The following TMEM266 variants were observed in gnomAD, a reference collection of about 807,000 sequenced individuals.
TMEM266 encodes the protein Hv1 related protein 1.
A neutral mutation model predicts 50.5 loss-of-function variants in TMEM266; 33 were observed. The observed-to-expected ratio is 0.65, with a 90% CI of 0.50 to 0.87. TMEM266 has a LOEUF of 0.87. Among genes scored for constraint, TMEM266 ranks in the 40% least tolerant of loss-of-function variants. TMEM266 has a pLI of 0.00. For missense variants in TMEM266, 655 were observed against 695.1 expected, an observed-to-expected ratio of 0.94 and a Z score of 0.65; for synonymous variants, 310 against 292.3, an observed-to-expected ratio of 1.06 and a Z score of -0.62.
intron 5 of TMEM266, among the ~76,000 whole-genome samples, chr15:76,163,436 A>G (rs941763148): frequency 2.6e-5 from 4 of 152,086 alleles, no homozygotes; most frequent in Non-Finnish European, 4.4e-5. Flanking sequence ...ACAGGGTCCA[A>G]GGTGAGACTG....
intron 8 of TMEM266, among the ~76,000 whole-genome samples, chr15:76,179,629 C>T (rs1177620720): frequency 1.3e-5 from 2 of 152,200 alleles, no homozygotes; most frequent in African/African-American, 4.8e-5. Flanking sequence ...GTCTCAATGG[C>T]AGCCCCCAAC....
intron 7 of TMEM266, chr15:76,175,251 T>G: frequency 3.7e-6 from 1 of 270,162 alleles, no homozygotes; most frequent in South Asian, 4.3e-5. Context: ...AAGGTGGTCT[T>G]GTGGCCACCC....
chr15:76,150,409 A>T (rs2037820850), intron 3 of TMEM266, among the ~76,000 whole-genome samples: 1 of 152,180 alleles, frequency 6.6e-6, no homozygotes, highest in Admixed American at 6.5e-5. Context: ...AAAATCTCAA[A>T]GTAGGGCCGA....
rs141391527 is a variant in TMEM266, at chr15:76,124,411, C to T, written c.-96-9757C>T. 1.6e-4 allele frequency among the ~76,000 whole-genome samples: 25 copies of T among 152,154 alleles called. No homozygotes were observed. The East Asian group carries it at 2.5e-3, about 15-fold the overall frequency. On this transcript the variant is annotated intron_variant, in intron 1 of 10. Coordinates refer to ENST00000388942, the MANE Select transcript of TMEM266 (RefSeq NM_152335.3). ...TTGTAGAATGCACAAATAAGTAGAA[C>T]GATATCCTATGTTCATAGATTGGAA...
At chr15:76,070,515 A>G (rs951156784) in intron 1 of TMEM266, among the ~76,000 whole-genome samples, 3 of 152,206 alleles carry the variant, frequency 2.0e-5, no homozygotes, top group Non-Finnish European at 1.5e-5. Flanking sequence ...GAACATGGGC[A>G]CTTCTGCAGA....
chr15:76,114,093 T>C (rs543581342), intron 1 of TMEM266: 2 of 152,220 alleles, frequency 1.3e-5, no homozygotes, highest in Non-Finnish European at 2.9e-5. Context: ...TTTTACCTTA[T>C]CTACATTTTT....
chr15:76,068,987 C>T (rs906873484), intron 1 of TMEM266, among the ~76,000 whole-genome samples: 7 of 152,266 alleles, frequency 4.6e-5, no homozygotes, highest in Admixed American at 1.3e-4. Context: ...CACTTTCTCC[C>T]GTCATATGGT....
intron 9 of TMEM266, among the ~76,000 whole-genome samples, chr15:76,200,751 A>G (rs1330222611): frequency 6.6e-6 from 1 of 152,192 alleles, no homozygotes; most frequent in Non-Finnish European, 1.5e-5. Flanking sequence ...TTGGCAGTAC[A>G]CACAGCGTAT....
chr15:76,140,135 G>C (rs1461967983), intron 3 of TMEM266, among the ~76,000 whole-genome samples: 1 of 152,228 alleles, frequency 6.6e-6, no homozygotes, highest in Non-Finnish European at 1.5e-5. Context: ...GAATCTCCAG[G>C]TGTGCCCAGG....
In TMEM266 at chr15:76,063,543, C is replaced by T. The variant is rs1171495672; in HGVS notation, c.-97+3527C>T. On this transcript the variant is annotated intron_variant, in intron 1 of 10. Coordinates refer to ENST00000388942, the MANE Select transcript of TMEM266 (RefSeq NM_152335.3). Reference sequence around the variant, plus strand: ...TCCCTCGCCTCATTTCAGCTTTGCTCATAGTCCAACCACTCCTTTAAAACT... The same window carrying T: ...TCCCTCGCCTCATTTCAGCTTTGCTTATAGTCCAACCACTCCTTTAAAACT... Among the ~76,000 whole-genome samples, 4 of 152,186 alleles carry T rather than the reference C, an allele frequency of 2.6e-5. 1 individual carries two copies. The highest frequency in any genetic ancestry group is 2.6e-4 in the Admixed American group (4 of 15,276).
chr15:76,177,525 CA>C (rs2038306275), intron 8 of TMEM266, among the ~76,000 whole-genome samples: 1 of 152,242 alleles, frequency 6.6e-6, no homozygotes, highest in Non-Finnish European at 1.5e-5. Flanking sequence ...GTCAGGAAAC[CA>C]ATCTTTTTAT....
At chr15:76,193,823 T>C (rs1366681843) in intron 9 of TMEM266, among the ~76,000 whole-genome samples, 1 of 152,222 alleles carries the variant, frequency 6.6e-6, no homozygotes, top group Non-Finnish European at 1.5e-5. Context: ...TGAGACTGTT[T>C]AGAGATTGTT....
At chr15:76,086,053 GA>G (rs567541549) in intron 1 of TMEM266, among the ~76,000 whole-genome samples, 157 of 110,486 alleles carry the variant, frequency 1.4e-3, no homozygotes, top group Non-Finnish European at 2.1e-3. Flanking sequence ...CATTTCAAAA[GA>G]AAAAAAAAAA....
At chr15:76,107,798 T>A (rs907989421) in intron 1 of TMEM266, among the ~76,000 whole-genome samples, 5 of 152,204 alleles carry the variant, frequency 3.3e-5, no homozygotes, top group East Asian at 3.9e-4. Flanking sequence ...CTTGTCTAGA[T>A]CATTCAAAAG....
rs537316883 is a variant in TMEM266, at chr15:76,198,054, T to G, written c.959-4148T>G. 2.6e-5 allele frequency among the ~76,000 whole-genome samples: 4 copies of G among 152,224 alleles called. No homozygotes were observed. In the East Asian group the frequency reaches 7.7e-4, roughly 29 times the overall value. On this transcript the variant is annotated intron_variant, in intron 9 of 10. Transcript: ENST00000388942. ...AGCTGCCACAGAAAGCACTGAGACT[T>G]TGGAGCCAGGGGTTCAGGGAGGCAA...
chr15:76,198,968 A>ACC (rs1220602047), intron 9 of TMEM266, among the ~76,000 whole-genome samples: 2 of 87,668 alleles, frequency 2.3e-5, no homozygotes, highest in South Asian at 1.4e-3. Flanking sequence ...GACTGAAAAG[A>ACC]CCCCTCATGG....
intron 1 of TMEM266, among the ~76,000 whole-genome samples, chr15:76,104,565 T>C (rs894316442): frequency 6.6e-6 from 1 of 152,140 alleles, no homozygotes; most frequent in African/African-American, 2.4e-5. Flanking sequence ...ACGCCTGTAA[T>C]CCCAGCACTT....
At chr15:76,081,399 G>A (rs755940315) in intron 1 of TMEM266, among the ~76,000 whole-genome samples, 4 of 152,270 alleles carry the variant, frequency 2.6e-5, no homozygotes, top group Non-Finnish European at 5.9e-5. Context: ...GGAGACCCTG[G>A]AGGTCACATT....
At chr15:76,116,864 A>G (rs2037255065) in intron 1 of TMEM266, among the ~76,000 whole-genome samples, 2 of 151,856 alleles carry the variant, frequency 1.3e-5, no homozygotes, top group African/African-American at 4.8e-5. Context: ...ATTTTGTTTG[A>G]AGTATAATTT....
Sources: gnomAD v4.1 joint callset for allele counts (sites outside exome capture counted in the v4.1 genomes callset) on GRCh38, gnomAD v4.1.1 for gene constraint, MANE v1.5 for transcripts, NCBI Gene and HGNC (gene_info 2026-07-23, HGNC 2026-07-21) for gene names.